THSD7B: variants seen among roughly 807,000 people sequenced by gnomAD.
THSD7B encodes the protein thrombospondin type 1 domain containing 7B, also known as thrombospondin type-1 domain-containing protein 7B.
Under a neutral mutation model 213.6 loss-of-function variants are expected in THSD7B, and 138 were observed. The observed-to-expected ratio is 0.65, with a 90% confidence interval of 0.56 to 0.74. THSD7B has a LOEUF of 0.74. Ranked by LOEUF, THSD7B falls within the 30% of genes least tolerant of loss-of-function variation. The pLI, the probability that THSD7B is intolerant of heterozygous loss-of-function variation, is 0.00. For synonymous variants in THSD7B, 742 were observed against 687.0 expected (o/e 1.08, Z -1.25); for missense variants, 1,931 against 1,991.5 (o/e 0.97, Z 0.58).
chr2:136,779,496 G>T (rs1025211522), intron 1 of THSD7B, among the ~76,000 whole-genome samples: 1 of 152,022 alleles, frequency 6.6e-6, no homozygotes, highest in Non-Finnish European at 1.5e-5. Flanking sequence ...ATTTGGAATT[G>T]TCTCCATTAT....
chr2:137,253,879 G>C (rs1485852096), intron 10 of THSD7B, among the ~76,000 whole-genome samples: 1 of 152,114 alleles, frequency 6.6e-6, no homozygotes, highest in Non-Finnish European at 1.5e-5. Context: ...CACTGGGTTA[G>C]CTAATGTGAT....
chr2:136,990,967 A>C (rs774276086), intron 2 of THSD7B: 1 of 1,323,820 alleles, frequency 7.6e-7, no homozygotes, highest in Admixed American at 2.2e-5. Context: ...TGTGGGAAAG[A>C]CATCAAAACT....
intron 2 of THSD7B, among the ~76,000 whole-genome samples, chr2:136,932,690 A>G (rs754117827): frequency 2.0e-5 from 3 of 152,186 alleles, no homozygotes; most frequent in Non-Finnish European, 2.9e-5. Flanking sequence ...CATCCTCTTC[A>G]TGTTAAGTAG....
intron 13 of THSD7B, among the ~76,000 whole-genome samples, chr2:137,407,730 A>T (rs1443715757): frequency 6.6e-6 from 1 of 152,118 alleles, no homozygotes; most frequent in Admixed American, 6.6e-5. Context: ...TTCATTGAAT[A>T]TGGGGCCATA....
chr2:137,380,179 A>G (rs943061569), intron 12 of THSD7B, among the ~76,000 whole-genome samples: 1 of 151,950 alleles, frequency 6.6e-6, no homozygotes, highest in Admixed American at 6.6e-5. Context: ...TTGGAGGCCA[A>G]GGTGAGAGGA....
chr2:137,616,772 G>A (rs1047897162), intron 18 of THSD7B, among the ~76,000 whole-genome samples: 1 of 152,132 alleles, frequency 6.6e-6, no homozygotes, highest in African/African-American at 2.4e-5. Flanking sequence ...GGTCAGGGAT[G>A]TTTTCGAGGC....
rs115473648 is a variant in THSD7B at position 137,135,084 on chromosome 2, T to C, written c.1369+19791T>C. Among the ~76,000 whole-genome samples, 124 of 152,308 alleles carry C rather than the reference T, an allele frequency of 8.1e-4. 1 individual carries two copies. Among genetic ancestry groups the C allele is most frequent in the South Asian group, 1.4e-3 (7 of 4,834 alleles). On this transcript the variant is annotated intron_variant, in intron 5 of 27. Transcript: ENST00000409968. Reference sequence around the variant, plus strand: ...TAAGTATTACATAAAATAGTAAACATATAATGCTTAGCTTAGCCCCTTCTG... The same window carrying C: ...TAAGTATTACATAAAATAGTAAACACATAATGCTTAGCTTAGCCCCTTCTG...
chr2:137,086,198 G>A (rs759998969), intron 3 of THSD7B, among the ~76,000 whole-genome samples: 18 of 152,008 alleles, frequency 1.2e-4, no homozygotes, highest in Admixed American at 4.6e-4. Flanking sequence ...TTAGCTGGGC[G>A]TGATGGTGCA....
chr2:136,998,563 A>G (rs1375028276), intron 2 of THSD7B, among the ~76,000 whole-genome samples: 1 of 152,186 alleles, frequency 6.6e-6, no homozygotes, highest in East Asian at 1.9e-4. Context: ...GAAGCTTCAC[A>G]GTATCAAGTT....
intron 2 of THSD7B, among the ~76,000 whole-genome samples, chr2:136,975,506 T>C (rs1685466795): frequency 6.6e-6 from 1 of 152,132 alleles, no homozygotes; most frequent in African/African-American, 2.4e-5. Context: ...GGATGTGTGG[T>C]CTCATTTTTG....
At chr2:137,640,137 G>A (rs1234444408) in intron 20 of THSD7B, among the ~76,000 whole-genome samples, 2 of 152,174 alleles carry the variant, frequency 1.3e-5, no homozygotes, top group Admixed American at 6.5e-5. Context: ...ATTCCCACCT[G>A]TTGTGGGAGG....
At chr2:137,114,638 C>T (rs1688412761) in intron 4 of THSD7B, among the ~76,000 whole-genome samples, 1 of 152,142 alleles carries the variant, frequency 6.6e-6, no homozygotes, top group Non-Finnish European at 1.5e-5. Flanking sequence ...TTTCTTACAT[C>T]AAGAAGACTG....
intron 12 of THSD7B, among the ~76,000 whole-genome samples, chr2:137,369,304 A>G (rs1475572986): frequency 6.6e-6 from 1 of 152,040 alleles, no homozygotes; most frequent in African/African-American, 2.4e-5. Flanking sequence ...TTTTGGCTTG[A>G]GTTTGTTAAT....
chr2:136,917,700 C>G (rs932772367), intron 2 of THSD7B, among the ~76,000 whole-genome samples: 2 of 152,128 alleles, frequency 1.3e-5, no homozygotes, highest in African/African-American at 4.8e-5. Flanking sequence ...GGTGCAGAGT[C>G]TATGTAACCC....
intron 20 of THSD7B, among the ~76,000 whole-genome samples, chr2:137,631,907 G>C (rs1235942936): frequency 1.3e-5 from 2 of 152,116 alleles, no homozygotes; most frequent in Non-Finnish European, 2.9e-5. Context: ...AAATGTTAGA[G>C]GGATTACTTT....
chr2:137,144,059 G>T (rs1303113800), intron 5 of THSD7B, among the ~76,000 whole-genome samples: 1 of 152,088 alleles, frequency 6.6e-6, no homozygotes, highest in Non-Finnish European at 1.5e-5. Flanking sequence ...GATTGCACAT[G>T]GGTAGGGCAA....
At chr2:137,255,372 A>G (rs199836492) in intron 10 of THSD7B, among the ~76,000 whole-genome samples, 4 of 152,188 alleles carry the variant, frequency 2.6e-5, no homozygotes, top group Non-Finnish European at 5.9e-5. Flanking sequence ...AGAGCATATC[A>G]TAACAAGAAA....
intron 1 of THSD7B, among the ~76,000 whole-genome samples, chr2:136,820,514 T>C (rs1682550367): frequency 6.6e-6 from 1 of 152,204 alleles, no homozygotes; most frequent in Non-Finnish European, 1.5e-5. Flanking sequence ...ACAAAATAAC[T>C]GTCTGGTATC....
At chr2:137,303,149 C>T (rs1038194881) in intron 12 of THSD7B, among the ~76,000 whole-genome samples, 3 of 152,166 alleles carry the variant, frequency 2.0e-5, no homozygotes, top group African/African-American at 4.8e-5. Flanking sequence ...ACTACAGGCA[C>T]GTGCCACAGC....
Sources: allele counts gnomAD v4.1 joint callset (sites outside exome capture counted in the v4.1 genomes callset), GRCh38; gene constraint gnomAD v4.1.1; transcripts MANE v1.5; gene names NCBI Gene and HGNC (gene_info 2026-07-23, HGNC 2026-07-21).